RPH3A: variants seen among roughly 807,000 people sequenced by gnomAD.
RPH3A encodes rabphilin-3A.
In RPH3A, 48 loss-of-function variants were observed where a neutral mutation model predicts 102.2. The ratio of observed to expected loss-of-function variants is 0.47; its 90% CI spans 0.37 to 0.60. The LOEUF is 0.60. RPH3A is among the 20% of genes least tolerant of loss of function. The probability of loss-of-function intolerance (pLI) is 0.00; values close to 1 mark genes in which losing one functional copy is unlikely to be tolerated. For missense variants in RPH3A, 781 were observed against 910.1 expected (o/e 0.86, Z 1.83); for synonymous variants, 310 against 324.3 (o/e 0.96, Z 0.47).
Position 112,744,139 on chromosome 12 carries a change from G to A in RPH3A, c.-139-48004G>A, listed in dbSNP as rs552422377. ...AGCCCAGGCTGGATTGCAGTGGTGC[G>A]ATCTCGGCTCACTGAAACCTCTGTC... On this transcript the variant is annotated intron_variant, in intron 1 of 21. Coordinates refer to the RPH3A transcript ENST00000543106. Among the ~76,000 whole-genome samples the A allele has an allele frequency of 1.6e-4, 24 of 152,114 alleles. No homozygotes were observed. The South Asian group carries it at 4.6e-3, about 29-fold the overall frequency.
At chr12:112,631,457 C>T (rs1007769722) in intron 1 of RPH3A, among the ~76,000 whole-genome samples, 1 of 152,096 alleles carries the variant, frequency 6.6e-6, no homozygotes, top group Non-Finnish European at 1.5e-5. Context: ...ATTCCTCCAA[C>T]TTTTTCTCAG....
intron 1 of RPH3A, among the ~76,000 whole-genome samples, chr12:112,714,112 G>A (rs749917930): frequency 5.3e-5 from 8 of 151,952 alleles, no homozygotes; most frequent in African/African-American, 1.5e-4. Flanking sequence ...AGAAAATGTC[G>A]TTAAGATTCT....
intron 1 of RPH3A, among the ~76,000 whole-genome samples, chr12:112,756,717 C>A (rs2107108): frequency 0.084 from 12,852 of 152,196 alleles, 1,422 homozygotes; most frequent in African/African-American, 0.25. Context: ...AACCCTGCAT[C>A]TACATCATTT....
chr12:112,765,137 G>A (rs2040879341), intron 1 of RPH3A, among the ~76,000 whole-genome samples: 1 of 152,074 alleles, frequency 6.6e-6, no homozygotes, highest in Non-Finnish European at 1.5e-5. Context: ...CACTCCTGCT[G>A]CGTGTCTGCA....
chr12:112,708,775 T>C (rs2040441664), intron 1 of RPH3A, among the ~76,000 whole-genome samples: 1 of 151,926 alleles, frequency 6.6e-6, no homozygotes, highest in African/African-American at 2.4e-5. Context: ...CCTGCGAAAA[T>C]AGAAGGACCT....
chr12:112,629,465 ATTT>A (rs11294395), intron 1 of RPH3A, among the ~76,000 whole-genome samples: 22 of 84,014 alleles, frequency 2.6e-4, no homozygotes, highest in African/African-American at 8.7e-4. Context: ...TGCACTTTGC[ATTT>A]TTTTTTTTTT....
chr12:112,597,484 A>G (rs2039525944), intron 1 of RPH3A, among the ~76,000 whole-genome samples: 1 of 152,114 alleles, frequency 6.6e-6, no homozygotes, highest in African/African-American at 2.4e-5. Flanking sequence ...CTGGGAGTAC[A>G]GCCTTGGGAG....
chr12:112,820,590 A>G (rs1354324322), intron 2 of RPH3A, among the ~76,000 whole-genome samples: 1 of 152,182 alleles, frequency 6.6e-6, no homozygotes, highest in Non-Finnish European at 1.5e-5. Context: ...CACTGCAAGC[A>G]TTTAGTCCAG....
intron 1 of RPH3A, among the ~76,000 whole-genome samples, chr12:112,655,858 C>T (rs556706977): frequency 2.0e-5 from 3 of 152,220 alleles, no homozygotes; most frequent in Non-Finnish European, 2.9e-5. Context: ...CAGGCATGAG[C>T]TACCACGCCC....
intron 1 of RPH3A, among the ~76,000 whole-genome samples, chr12:112,658,472 T>A (rs1242721532): frequency 4.6e-5 from 7 of 152,250 alleles, no homozygotes; most frequent in African/African-American, 1.7e-4. Context: ...CTATAGTGCC[T>A]GGCCATCTTA....
intron 1 of RPH3A, among the ~76,000 whole-genome samples, chr12:112,580,394 C>CTTTTTTTTTTTT (rs773931202): frequency 1.4e-3 from 104 of 76,954 alleles, no homozygotes; most frequent in Non-Finnish European, 1.7e-3. Flanking sequence ...TTTGTCTTGT[C>CTTTTTTTTTTTT]TTTTTTTTTT....
At chr12:112,675,846 C>A (rs2040170489) in intron 1 of RPH3A, among the ~76,000 whole-genome samples, 1 of 152,156 alleles carries the variant, frequency 6.6e-6, no homozygotes, top group Non-Finnish European at 1.5e-5. Context: ...ATAGAAATGA[C>A]ACTGAGTTTT....
At chr12:112,786,750 T>C (rs1046137013), upstream of RPH3A, among the ~76,000 whole-genome samples, 2 of 152,150 alleles carry the variant, frequency 1.3e-5, no homozygotes, top group Admixed American at 1.3e-4. Flanking sequence ...CGATTTGCTA[T>C]GGGCTTCTTA....
At chr12:112,594,628 A>G (rs570922745) in intron 1 of RPH3A, among the ~76,000 whole-genome samples, 2 of 152,328 alleles carry the variant, frequency 1.3e-5, no homozygotes, top group South Asian at 2.1e-4. Flanking sequence ...AGCAAAAACA[A>G]AACAGATTCT....
At chr12:112,875,295 A>C in intron 11 of RPH3A, 125 bp downstream of exon 11, 1 of 729,966 alleles carries the variant, frequency 1.4e-6, no homozygotes, top group Non-Finnish European at 2.2e-6. Flanking sequence ...CTAAATCTTA[A>C]CCTCTTCTAA....
At chr12:112,807,097 C>A (rs1474477410) in intron 2 of RPH3A, among the ~76,000 whole-genome samples, 1 of 151,782 alleles carries the variant, frequency 6.6e-6, no homozygotes, top group East Asian at 1.9e-4. Flanking sequence ...GCGGGTGGTG[C>A]CTGCAGGACC....
At chr12:112,830,745 G>T (rs2041957354) in intron 3 of RPH3A, among the ~76,000 whole-genome samples, 1 of 150,828 alleles carries the variant, frequency 6.6e-6, no homozygotes. Flanking sequence ...ATGATTTTTT[G>T]TCCTAAACTC....
rs370883497 is a variant in RPH3A, at chr12:112,659,157, CA to C, written c.-140+83841del. ...GAAATACTTTAGTGTTTATGTCCCA[CA>C]AACAAAGATATTCTCCTGCTTAGCC... On this transcript the variant is annotated intron_variant, in intron 1 of 21. Coordinates refer to the RPH3A transcript ENST00000543106. Among the ~76,000 whole-genome samples, 865 of 152,240 alleles carry C rather than the reference CA, an allele frequency of 5.7e-3. 6 individuals are homozygous for C. The highest frequency in any genetic ancestry group is 7.4e-3 in the Non-Finnish European group (501 of 68,026).
At chr12:112,678,303 A>AAGAAAGAGAGAGAGAGAGAGAGAG (rs1555283199) in intron 1 of RPH3A, among the ~76,000 whole-genome samples, 8 of 50,188 alleles carry the variant, frequency 1.6e-4, no homozygotes, top group African/African-American at 2.0e-4. Flanking sequence ...GAAAGAAAGA[A>AAGAAAGAGAGAGAGAGAGAGAGAG]AGAGAGAGAG....
Sources: allele counts gnomAD v4.1 joint callset (sites outside exome capture counted in the v4.1 genomes callset), GRCh38; gene constraint gnomAD v4.1.1; transcripts MANE v1.5; gene names NCBI Gene and HGNC (gene_info 2026-07-23, HGNC 2026-07-21).